DPH6: variants seen among roughly 807,000 people sequenced by gnomAD.
DPH6 encodes the protein diphthamine biosynthesis 6.
DPH6 carries 33 observed loss-of-function variants against 38.2 expected under a neutral mutation model. That is an observed-to-expected ratio of 0.86 (90% CI 0.65 to 1.15). The LOEUF (loss-of-function observed/expected upper bound fraction) is 1.15. Ranked by LOEUF, DPH6 falls within the 50% of genes most tolerant of loss-of-function variation. DPH6 has a pLI of 0.00. For missense variants in DPH6, 325 were observed against 320.0 expected, an observed-to-expected ratio of 1.02 and a Z score of -0.12; for synonymous variants, 108 against 103.0, an observed-to-expected ratio of 1.05 and a Z score of -0.30.
At chr15:35,473,967 CGCGT>C (rs2054233481) in intron 3 of DPH6, among the ~76,000 whole-genome samples, 1 of 146,802 alleles carries the variant, frequency 6.8e-6, no homozygotes. Flanking sequence ...TGCGCGCGCG[CGCGT>C]GAGCTTTTGT....
At chr15:35,524,236 A>G (rs903955429) in intron 3 of DPH6, among the ~76,000 whole-genome samples, 2 of 152,104 alleles carry the variant, frequency 1.3e-5, no homozygotes, top group African/African-American at 2.4e-5. Flanking sequence ...TATTACTATA[A>G]AAGTTTCTAA....
chr15:35,230,922 G>C (rs368801201), intron 3 of DPH6, among the ~76,000 whole-genome samples: 31 of 152,302 alleles, frequency 2.0e-4, no homozygotes, highest in African/African-American at 7.5e-4. Context: ...CTCTCCTCAA[G>C]TTGAAAGAAG....
intron 3 of DPH6, among the ~76,000 whole-genome samples, chr15:35,300,967 C>A (rs2052050638): frequency 6.6e-6 from 1 of 152,112 alleles, no homozygotes; most frequent in South Asian, 2.1e-4. Context: ...AAATCATCTT[C>A]TTTTCAAGTA....
intron 6 of DPH6, among the ~76,000 whole-genome samples, chr15:35,404,088 T>C (rs999583623): frequency 6.6e-5 from 10 of 152,140 alleles, no homozygotes; most frequent in Non-Finnish European, 1.0e-4. Context: ...CAGTACTCCA[T>C]AGTGTGTAAG....
intron 3 of DPH6, among the ~76,000 whole-genome samples, chr15:35,526,739 T>C (rs2055009102): frequency 6.6e-6 from 1 of 152,190 alleles, no homozygotes; most frequent in Non-Finnish European, 1.5e-5. Context: ...ATATACTGCT[T>C]AGATTTTAAA....
Position 35,538,293 on chromosome 15 carries a change from T to G in DPH6, c.293A>C (p.Glu98Ala). ...GCATACCTTAACAAGTTTCAAAAGCTCATAGAGATCTTCAACCTCATCACC... is the reference window on the plus strand; with the variant it reads ...GCATACCTTAACAAGTTTCAAAAGCGCATAGAGATCTTCAACCTCATCACC... Reference protein sequence around the residue: ...CEGDEVEDLYELLKLVKEKEE... With the variant: ...CEGDEVEDLYALLKLVKEKEE... The change falls in exon 3 of 9, where the codon GAG becomes GCG. Residue 98 changes from glutamate to alanine, a missense_variant. Coordinates refer to ENST00000256538, the MANE Select transcript of DPH6 (RefSeq NM_080650.4). 6.4e-7 allele frequency: 1 copy of G among 1,574,194 alleles called. No individual in the cohort carries two copies. Among genetic ancestry groups the G allele is most frequent in the Non-Finnish European group, 8.7e-7 (1 of 1,150,054 alleles).
At chr15:35,247,796 ATAAAT>A (rs1427824044) in intron 3 of DPH6, among the ~76,000 whole-genome samples, 1 of 152,178 alleles carries the variant, frequency 6.6e-6, no homozygotes, top group Non-Finnish European at 1.5e-5. Context: ...AATAGTGATA[ATAAAT>A]TAAAAACTAT....
chr15:35,301,085 C>A (rs2052051727), intron 3 of DPH6, among the ~76,000 whole-genome samples: 1 of 152,146 alleles, frequency 6.6e-6, no homozygotes, highest in African/African-American at 2.4e-5. Flanking sequence ...GAATCAAGAA[C>A]CAAAGACCTT....
At chr15:35,451,213 G>A (rs932242708) in intron 4 of DPH6, among the ~76,000 whole-genome samples, 1 of 152,020 alleles carries the variant, frequency 6.6e-6, no homozygotes, top group Admixed American at 6.5e-5. Flanking sequence ...CTACAGTTAT[G>A]TGAACTATTC....
rs765779870 is a variant in DPH6, at chr15:35,371,136, T to C, written c.*1014A>G. 6.6e-6 allele frequency: 1 copy of C among 151,808 alleles called. No homozygotes were observed. The allele number at this position is 151,808 out of a possible 1,614,324, so 9.4% of individuals were successfully genotyped here. A position where few individuals can be genotyped will look rare whatever the true frequency, so the allele number is the denominator to read the frequency against. ...TATATACTGTATGATTTCAACTACA[T>C]TACATTCTGGTAAAAGCAAAACTAT... On this transcript the variant is annotated 3_prime_UTR_variant, in exon 9 of 9. Coordinates refer to ENST00000256538, the MANE Select transcript of DPH6 (RefSeq NM_080650.4).
chr15:35,272,237 C>T (rs2051826739), intron 3 of DPH6, among the ~76,000 whole-genome samples: 2 of 152,066 alleles, frequency 1.3e-5, no homozygotes, highest in South Asian at 4.2e-4. Flanking sequence ...TTAAAGTATA[C>T]AAGAGGATGT....
At chr15:35,411,717 A>C (rs1281267720) in intron 5 of DPH6, among the ~76,000 whole-genome samples, 4 of 151,784 alleles carry the variant, frequency 2.6e-5, no homozygotes, top group Non-Finnish European at 5.9e-5. Context: ...ATATTGGCAT[A>C]GTTTCATTTA....
chr15:35,522,365 C>T lies in DPH6; in HGVS notation c.312+15909G>A. On this transcript the variant is annotated intron_variant, in intron 3 of 8. Transcript: ENST00000256538. ...CTGAGGCTGGATTACCATCTTTCACCACCAGTCAGGCTGTCTCTGCTTATT... is the reference window on the plus strand; with the variant it reads ...CTGAGGCTGGATTACCATCTTTCACTACCAGTCAGGCTGTCTCTGCTTATT... 8 of 1,355,122 alleles carry T rather than the reference C, an allele frequency of 5.9e-6. No individual in the cohort carries two copies. In the South Asian group the frequency reaches 8.5e-5, roughly 14 times the overall value. The allele number at this position is 1,355,122 out of a possible 1,614,324, so 83.9% of individuals were successfully genotyped here. A position where few individuals can be genotyped will look rare whatever the true frequency, so the allele number is the denominator to read the frequency against.
intron 3 of DPH6, chr15:35,298,523 C>CT: frequency 1.3e-6 from 1 of 778,428 alleles, no homozygotes; most frequent in South Asian, 1.3e-5. Context: ...AACCATGTTC[C>CT]TTAGTAGGAC....
At chr15:35,295,560 C>A (rs139284440) in intron 3 of DPH6, among the ~76,000 whole-genome samples, 1 of 152,300 alleles carries the variant, frequency 6.6e-6, no homozygotes, top group Non-Finnish European at 1.5e-5. Flanking sequence ...CTCCTGTCAT[C>A]ATCCTTGATG....
At chr15:35,499,924 C>G (rs758776587) in intron 3 of DPH6, among the ~76,000 whole-genome samples, 18 of 152,132 alleles carry the variant, frequency 1.2e-4, no homozygotes, top group African/African-American at 3.9e-4. Context: ...CCGTAACAAC[C>G]AGTTTGCTAA....
At chr15:35,436,509 C>CAAAAAAAAAAAAAAAAAAAAAAAAAAAA (rs1491101707) in intron 5 of DPH6, among the ~76,000 whole-genome samples, 1 of 107,592 alleles carries the variant, frequency 9.3e-6, no homozygotes, top group African/African-American at 4.2e-5. Context: ...CAAAACAAAA[C>CAAAAAAAAAAAAAAAAAAAAAAAAAAAA]AAAACAAAAA....
intron 3 of DPH6, among the ~76,000 whole-genome samples, chr15:35,222,573 G>A (rs896223344): frequency 2.6e-5 from 4 of 152,140 alleles, no homozygotes; most frequent in Non-Finnish European, 5.9e-5. Flanking sequence ...ATGAGAAATG[G>A]TTGCATTCTT....
the DPH6 span, among the ~76,000 whole-genome samples, chr15:35,184,864 C>T: frequency 1.2e-4 from 19 of 152,256 alleles, no homozygotes; most frequent in East Asian, 2.7e-3. Context: ...CATTTTACCA[C>T]GCAATTTCAA....
Sources: allele counts gnomAD v4.1 joint callset (sites outside exome capture counted in the v4.1 genomes callset), GRCh38; gene constraint gnomAD v4.1.1; transcripts MANE v1.5; gene names NCBI Gene and HGNC (gene_info 2026-07-23, HGNC 2026-07-21).